The following RTL4 variants were observed in gnomAD, a reference collection of about 807,000 sequenced individuals.
The protein encoded by RTL4 is retrotransposon Gag like 4, also known as retrotransposon Gag-like protein 4.
RTL4 carries 4 observed loss-of-function variants against 5.3 expected under a neutral mutation model. The ratio of observed to expected loss-of-function variants is 0.75; its 90% CI spans 0.37 to 1.72. The LOEUF is 1.72. Among genes scored for constraint, RTL4 ranks in the 40% most tolerant of loss-of-function variants. RTL4 has a pLI of 0.04. For synonymous variants in RTL4, 98 were observed against 87.3 expected (o/e 1.12, Z -0.68); for missense variants, 260 against 227.1 (o/e 1.14, Z -0.93).
At chrX:112,437,525 A>AAT in the RTL4 span, among the ~76,000 whole-genome samples, 42 of 108,626 alleles carry the variant, frequency 3.9e-4, no homozygotes, top group Non-Finnish European at 5.0e-4. Flanking sequence ...CTTTGTACCC[A>AAT]ATATATATAT....
At chrX:112,401,675 T>C in the RTL4 span, among the ~76,000 whole-genome samples, 1 of 111,725 alleles carries the variant, frequency 9.0e-6, no homozygotes, top group Non-Finnish European at 1.9e-5. Flanking sequence ...AACTGTTAAA[T>C]TTTCATTACC....
the RTL4 span, among the ~76,000 whole-genome samples, chrX:112,216,704 G>A: frequency 1.8e-5 from 2 of 111,931 alleles, no homozygotes; most frequent in African/African-American, 3.2e-5. Context: ...TAAATGGTAT[G>A]ATTGGCTTAG....
chrX:112,124,952 G>C, the RTL4 span, among the ~76,000 whole-genome samples: 1 of 111,148 alleles, frequency 9.0e-6, no homozygotes. Flanking sequence ...CCAGGCTGGA[G>C]TGCAGTGGTG....
the RTL4 span, among the ~76,000 whole-genome samples, chrX:112,326,624 C>T: frequency 8.9e-6 from 1 of 112,033 alleles, no homozygotes; most frequent in Admixed American, 9.4e-5. Flanking sequence ...AACAAAGCAG[C>T]CGGGAAGCTC....
At chrX:112,258,350 G>A in the RTL4 span, among the ~76,000 whole-genome samples, 1 of 110,561 alleles carries the variant, frequency 9.0e-6, no homozygotes, top group Non-Finnish European at 1.9e-5. Flanking sequence ...CACTGCGGTG[G>A]CGGGTGTTGA....
the RTL4 span, among the ~76,000 whole-genome samples, chrX:112,371,737 T>C: frequency 8.9e-5 from 10 of 111,793 alleles, no homozygotes; most frequent in African/African-American, 1.3e-4. Flanking sequence ...CTCATGTCCA[T>C]CTCTCTATTC....
At chrX:112,228,089 C>T in the RTL4 span, among the ~76,000 whole-genome samples, 219 of 111,523 alleles carry the variant, frequency 2.0e-3, no homozygotes, top group Non-Finnish European at 3.0e-3. Context: ...AGGCCAGGGA[C>T]GGAGGGTATT....
chrX:112,274,248 T>C, the RTL4 span, among the ~76,000 whole-genome samples: 1 of 111,386 alleles, frequency 9.0e-6, no homozygotes, highest in East Asian at 2.8e-4. Flanking sequence ...AGAGCTGGTC[T>C]GGAAAGGAAG....
the RTL4 span, among the ~76,000 whole-genome samples, chrX:112,332,575 G>A: frequency 1.9e-5 from 2 of 106,166 alleles, no homozygotes; most frequent in Non-Finnish European, 3.9e-5. Context: ...GCAAACTATC[G>A]CAAGGACAAA....
the RTL4 span, among the ~76,000 whole-genome samples, chrX:112,436,432 G>A: frequency 4.5e-5 from 5 of 110,777 alleles, no homozygotes; most frequent in Non-Finnish European, 7.6e-5. Context: ...CCAGCGCCTC[G>A]CCTTCTGAGC....
the RTL4 span, among the ~76,000 whole-genome samples, chrX:112,283,050 T>C: frequency 8.9e-6 from 1 of 111,745 alleles, no homozygotes; most frequent in Non-Finnish European, 1.9e-5. Context: ...GTTCAGGTTT[T>C]GGTAAGAGAT....
the RTL4 span, among the ~76,000 whole-genome samples, chrX:112,386,361 CT>C: frequency 9.0e-6 from 1 of 111,471 alleles, no homozygotes; most frequent in Non-Finnish European, 1.9e-5. Flanking sequence ...TCCTTTTTAA[CT>C]TTTTTTCCCA....
At chrX:112,151,861 A>T in the RTL4 span, among the ~76,000 whole-genome samples, 3 of 112,132 alleles carry the variant, frequency 2.7e-5, no homozygotes, top group African/African-American at 9.7e-5. Flanking sequence ...GTTGACAGCC[A>T]TGCATGTTTA....
At chrX:112,192,997 T>C in the RTL4 span, among the ~76,000 whole-genome samples, 1 of 111,854 alleles carries the variant, frequency 8.9e-6, no homozygotes, top group African/African-American at 3.2e-5. Context: ...TTGTACTTCC[T>C]ATTTGAAAGA....
chrX:112,439,201 T>C, the RTL4 span, among the ~76,000 whole-genome samples: 54 of 111,454 alleles, frequency 4.8e-4, no homozygotes, highest in Non-Finnish European at 7.9e-4. Context: ...GTAGGGTATA[T>C]GGGGAGCTGG....
At chrX:112,418,277 G>C in the RTL4 span, among the ~76,000 whole-genome samples, 1 of 112,145 alleles carries the variant, frequency 8.9e-6, no homozygotes, top group East Asian at 2.8e-4. Flanking sequence ...ATCTCCAAAA[G>C]CTGTTAAAAA....
the RTL4 span, among the ~76,000 whole-genome samples, chrX:112,203,084 G>T: frequency 9.1e-6 from 1 of 110,478 alleles, no homozygotes; most frequent in Non-Finnish European, 1.9e-5. Flanking sequence ...CTGTCTCTTC[G>T]TATCTCTTGC....
chrX:112,140,062 C>T, the RTL4 span, among the ~76,000 whole-genome samples: 22 of 112,233 alleles, frequency 2.0e-4, no homozygotes, highest in Admixed American at 1.0e-3. Context: ...AGCATGAAAA[C>T]GGACTAATAC....
chrX:112,291,533 A>ACAT, the RTL4 span, among the ~76,000 whole-genome samples: 2 of 110,754 alleles, frequency 1.8e-5, no homozygotes, highest in South Asian at 7.7e-4. Flanking sequence ...TCAATATGAA[A>ACAT]CATCACAGGG....
Sources: gnomAD v4.1 joint callset for allele counts (sites outside exome capture counted in the v4.1 genomes callset) on GRCh38, gnomAD v4.1.1 for gene constraint, MANE v1.5 for transcripts, NCBI Gene and HGNC (gene_info 2026-07-23, HGNC 2026-07-21) for gene names.